CAB39L: variants seen among roughly 807,000 people sequenced by gnomAD.
CAB39L encodes the protein calcium-binding protein 39-like.
In CAB39L, 23 loss-of-function variants were observed where a neutral mutation model predicts 39.1. That is an observed-to-expected ratio of 0.59 (90% confidence interval 0.42 to 0.83). The LOEUF is 0.83. Among genes scored for constraint, CAB39L ranks in the 40% least tolerant of loss-of-function variants. The pLI is 0.00. For missense variants in CAB39L, 366 were observed against 391.9 expected, an observed-to-expected ratio of 0.93 and a Z score of 0.56; for synonymous variants, 126 against 137.2, an observed-to-expected ratio of 0.92 and a Z score of 0.57.
In CAB39L at chr13:49,406,335, T is replaced by A. The variant is rs945074485; in HGVS notation, c.-31-23394A>T. On this transcript the variant is annotated intron_variant, in intron 3 of 10. Transcript: ENST00000409308. ...GGCATCCGCCACCATGCCCAGCTAT[T>A]TTTTTTTTTTTTTTTTTTGTATTTT... is the stretch of plus-strand genomic sequence containing the variant. Among the ~76,000 whole-genome samples the A allele has an allele frequency of 1.7e-3, 244 of 144,452 alleles. 4 individuals are homozygous for A. Among genetic ancestry groups the A allele is most frequent in the African/African-American group, 5.6e-3 (221 of 39,396 alleles). 94.8% of individuals were successfully genotyped at this position (144,452 alleles called of 152,430 possible).
chr13:49,426,627 G>A (rs139839652), intron 3 of CAB39L, among the ~76,000 whole-genome samples: 3,408 of 152,158 alleles, frequency 0.022, 51 homozygotes, highest in South Asian at 0.078. Context: ...GGGTTTCACC[G>A]TGTTAGCCAG....
At chr13:49,313,599 T>G (rs1954064323) in intron 10 of CAB39L, among the ~76,000 whole-genome samples, 1 of 152,242 alleles carries the variant, frequency 6.6e-6, no homozygotes, top group Non-Finnish European at 1.5e-5. Context: ...GAGATTCTTA[T>G]GTGAACTCCT....
chr13:49,348,057 A>G (rs1566080663), intron 7 of CAB39L, among the ~76,000 whole-genome samples: 1 of 151,938 alleles, frequency 6.6e-6, no homozygotes, highest in Non-Finnish European at 1.5e-5. Flanking sequence ...TTCTTCAGGG[A>G]GACCATAGGA....
intron 3 of CAB39L, among the ~76,000 whole-genome samples, chr13:49,416,899 G>A (rs1957094692): frequency 6.6e-6 from 1 of 152,140 alleles, no homozygotes; most frequent in Non-Finnish European, 1.5e-5. Flanking sequence ...AAGGTCAAGA[G>A]GTCCTACGTA....
At chr13:49,420,016 A>G (rs1174602337) in intron 3 of CAB39L, among the ~76,000 whole-genome samples, 1 of 152,236 alleles carries the variant, frequency 6.6e-6, no homozygotes, top group Non-Finnish European at 1.5e-5. Flanking sequence ...CACATTATTC[A>G]ATCACAGCCA....
rs556915487 is a variant in CAB39L at position 49,350,709 on chromosome 13, A to C, written c.564+35T>G. 147 of 1,477,830 alleles carry C rather than the reference A, an allele frequency of 9.9e-5. 3 individuals carry two copies. The South Asian group carries it at 1.9e-3, about 19-fold the overall frequency. The allele number at this position is 1,477,830 out of a possible 1,614,324, so 91.5% of individuals were successfully genotyped here. A position where few individuals can be genotyped will look rare whatever the true frequency, so the allele number is the denominator to read the frequency against. On this transcript the variant is annotated intron_variant, in intron 7 of 10. Coordinates refer to ENST00000409308, the MANE Select transcript of CAB39L (RefSeq NM_001079670.3). ...GCCTCTTCAGGGGCCAAGTGACTATAAATTGACCTAGCTGAGTTGGAAAAA... is the reference window on the plus strand; with the variant it reads ...GCCTCTTCAGGGGCCAAGTGACTATCAATTGACCTAGCTGAGTTGGAAAAA...
chr13:49,435,050 C>T lies in CAB39L; in HGVS notation c.-245-827G>A, dbSNP rs1263592763. Among the ~76,000 whole-genome samples, 4 of 152,230 alleles carry T rather than the reference C, an allele frequency of 2.6e-5. No homozygotes were observed. In the East Asian group the frequency reaches 7.7e-4, roughly 29 times the overall value. On this transcript the variant is annotated intron_variant, in intron 1 of 10. Transcript: ENST00000409308. Reference sequence around the variant, plus strand: ...TTCTGTTGTTGGCACCTTTACCCTGCTCCTTCCTTCTGCGGATACATTGCA... The same window carrying T: ...TTCTGTTGTTGGCACCTTTACCCTGTTCCTTCCTTCTGCGGATACATTGCA...
intron 5 of CAB39L, among the ~76,000 whole-genome samples, chr13:49,364,512 G>A (rs926170249): frequency 6.6e-6 from 1 of 152,138 alleles, no homozygotes; most frequent in Non-Finnish European, 1.5e-5. Flanking sequence ...ATCCTTGTTT[G>A]CAGATGATAA....
intron 4 of CAB39L, among the ~76,000 whole-genome samples, chr13:49,377,519 A>C (rs1030756743): frequency 1.2e-5 from 1 of 86,514 alleles, no homozygotes; most frequent in Non-Finnish European, 2.3e-5. Context: ...CTCCTGCCTC[A>C]GCCTGCCCAG....
intron 3 of CAB39L, among the ~76,000 whole-genome samples, chr13:49,429,446 A>G (rs1042345152): frequency 1.3e-5 from 2 of 152,158 alleles, no homozygotes; most frequent in Non-Finnish European, 2.9e-5. Flanking sequence ...TTAACCCTCT[A>G]TCACTGACAT....
intron 3 of CAB39L, among the ~76,000 whole-genome samples, chr13:49,421,288 C>T (rs1031176266): frequency 1.1e-4 from 17 of 152,100 alleles, no homozygotes; most frequent in African/African-American, 4.1e-4. Flanking sequence ...TAAATAACTC[C>T]AGACAAACAC....
In CAB39L at chr13:49,422,527, T is replaced by C. The variant is rs148893064; in HGVS notation, c.-32+10791A>G. On this transcript the variant is annotated intron_variant, in intron 3 of 10. Transcript: ENST00000409308. ...GGTGGAGGTTACAGTGAGCTGAGAT[T>C]GTGCCACTGCACTCCAGCCTGGGAG... Among the ~76,000 whole-genome samples, 494 of 152,284 alleles carry C rather than the reference T, an allele frequency of 3.2e-3. 3 individuals are homozygous for C. Among genetic ancestry groups the C allele is most frequent in the African/African-American group, 0.011 (476 of 41,564 alleles).
intron 10 of CAB39L, among the ~76,000 whole-genome samples, chr13:49,313,855 A>G (rs982491072): frequency 6.6e-6 from 1 of 152,104 alleles, no homozygotes; most frequent in Non-Finnish European, 1.5e-5. Flanking sequence ...GGGCTTAGTT[A>G]TGGGGCAGTG....
At chr13:49,400,478 ATG>A (rs1162779073) in intron 3 of CAB39L, among the ~76,000 whole-genome samples, 4 of 92,508 alleles carry the variant, frequency 4.3e-5, no homozygotes, top group Admixed American at 2.0e-4. Flanking sequence ...ACACACACAC[ATG>A]GTTATATTAG....
intron 6 of CAB39L, among the ~76,000 whole-genome samples, chr13:49,358,005 G>A (rs901678026): frequency 1.3e-5 from 2 of 152,188 alleles, no homozygotes; most frequent in African/African-American, 4.8e-5. Flanking sequence ...AAATGGCAAT[G>A]AACAAAGTGA....
intron 9 of CAB39L, among the ~76,000 whole-genome samples, chr13:49,332,655 A>G (rs1954742924): frequency 6.6e-6 from 1 of 152,106 alleles, no homozygotes; most frequent in Non-Finnish European, 1.5e-5. Flanking sequence ...TTTTTTGGTG[A>G]CAAATTGATA....
At chr13:49,439,003 C>T (rs1293784936) in intron 1 of CAB39L, among the ~76,000 whole-genome samples, 1 of 152,196 alleles carries the variant, frequency 6.6e-6, no homozygotes, top group Non-Finnish European at 1.5e-5. Flanking sequence ...CTTGGGCTTA[C>T]ATTTGGGGAA....
At chr13:49,321,446 A>G (rs1213921859) in intron 10 of CAB39L, among the ~76,000 whole-genome samples, 1 of 152,218 alleles carries the variant, frequency 6.6e-6, no homozygotes, top group East Asian at 1.9e-4. Flanking sequence ...GTATTCTTTT[A>G]TCTTGACAAC....
At position 49,310,249 on chromosome 13, in the gene CAB39L, GGA is replaced by G. The variant is rs1215308391; in HGVS notation, c.*563_*564del. 6.5e-6 allele frequency: 1 copy of G among 152,948 alleles called. No individual in the cohort carries two copies. Among genetic ancestry groups the G allele is most frequent in the African/African-American group, 2.4e-5 (1 of 41,366 alleles). The allele number at this position is 152,948 out of a possible 1,614,324, so 9.5% of individuals were successfully genotyped here. ...GGAGCTGGGATGGAATGCAGGACAG[GGA>G]GAGAGGGGAGACTGAGCTGAGAGGG... On this transcript the variant is annotated 3_prime_UTR_variant, in exon 11 of 11. Coordinates refer to ENST00000409308, the MANE Select transcript of CAB39L (RefSeq NM_001079670.3).
Sources: gnomAD v4.1 joint callset for allele counts (sites outside exome capture counted in the v4.1 genomes callset) on GRCh38, gnomAD v4.1.1 for gene constraint, MANE v1.5 for transcripts, NCBI Gene and HGNC (gene_info 2026-07-23, HGNC 2026-07-21) for gene names.